HSF2BP: variants seen among roughly 807,000 people sequenced by gnomAD.
HSF2BP encodes heat shock transcription factor 2 binding protein.
A neutral mutation model predicts 35.0 loss-of-function variants in HSF2BP; 35 were observed. The ratio of observed to expected loss-of-function variants is 1.00; its 90% CI spans 0.76 to 1.32. The LOEUF (loss-of-function observed/expected upper bound fraction) is 1.32, where lower values mean the gene tolerates loss of function less well. HSF2BP is among the 40% of genes most tolerant of loss of function. The probability of loss-of-function intolerance (pLI) is 0.00; values close to 1 mark genes in which losing one functional copy is unlikely to be tolerated. For missense variants in HSF2BP, 326 were observed against 321.7 expected (o/e 1.01, Z -0.10); for synonymous variants, 114 against 117.4 (o/e 0.97, Z 0.18).
intron 2 of HSF2BP, chr21:43,657,732 G>A (rs1044856710): frequency 1.6e-6 from 1 of 640,612 alleles, no homozygotes; most frequent in African/African-American, 2.0e-5. Flanking sequence ...AGGGGGCCAG[G>A]GCCTTCGGAG....
chr21:43,611,693 G>A (rs1346548902), intron 7 of HSF2BP, among the ~76,000 whole-genome samples: 1 of 152,194 alleles, frequency 6.6e-6, no homozygotes, highest in Non-Finnish European at 1.5e-5. Context: ...ACATCCCCCA[G>A]GTAACTCAAA....
intron 3 of HSF2BP, among the ~76,000 whole-genome samples, chr21:43,653,215 GGGGAA>G (rs1209166970): frequency 7.4e-5 from 10 of 136,010 alleles, no homozygotes; most frequent in African/African-American, 2.2e-4. Context: ...GGGAAGGGAA[GGGGAA>G]GGGAAGGGAA....
chr21:43,590,664 T>C (rs377593259), intron 8 of HSF2BP, among the ~76,000 whole-genome samples: 3 of 152,220 alleles, frequency 2.0e-5, no homozygotes, highest in East Asian at 3.8e-4. Context: ...GACCTATTAA[T>C]AGACACATGG....
At chr21:43,658,761 G>A (rs1029083096) in intron 1 of HSF2BP, among the ~76,000 whole-genome samples, 1 of 152,230 alleles carries the variant, frequency 6.6e-6, no homozygotes, top group Non-Finnish European at 1.5e-5. Context: ...GCCTCGGGAC[G>A]CCTGCGCGGG....
chr21:43,505,443 C>A, the HSF2BP span, among the ~76,000 whole-genome samples: 1 of 100,086 alleles, frequency 1.0e-5, no homozygotes. Context: ...TGTGGGGTTT[C>A]CGCGTGCAGC....
At chr21:43,614,232 G>A (rs2082244039) in intron 6 of HSF2BP, among the ~76,000 whole-genome samples, 1 of 151,884 alleles carries the variant, frequency 6.6e-6, no homozygotes, top group South Asian at 2.1e-4. Flanking sequence ...GGCACGGTGT[G>A]TGCACCTGTA....
At chr21:43,646,687 A>G (rs1251482060) in intron 3 of HSF2BP, among the ~76,000 whole-genome samples, 1 of 152,214 alleles carries the variant, frequency 6.6e-6, no homozygotes, top group Non-Finnish European at 1.5e-5. Flanking sequence ...ACCCTAGTGT[A>G]AGTTAACATA....
intron 8 of HSF2BP, among the ~76,000 whole-genome samples, chr21:43,586,058 G>A (rs535600813): frequency 3.3e-5 from 5 of 152,260 alleles, no homozygotes; most frequent in Admixed American, 1.3e-4. Flanking sequence ...GGAAATAACC[G>A]CCTATCTGCC....
At chr21:43,625,799 A>G (rs1318779570) in intron 6 of HSF2BP, among the ~76,000 whole-genome samples, 1 of 152,166 alleles carries the variant, frequency 6.6e-6, no homozygotes, top group Non-Finnish European at 1.5e-5. Flanking sequence ...ACTCTTCATA[A>G]GAGTTCCTAT....
chr21:43,618,565 T>C (rs1430690804), intron 6 of HSF2BP, among the ~76,000 whole-genome samples: 1 of 152,078 alleles, frequency 6.6e-6, no homozygotes, highest in Non-Finnish European at 1.5e-5. Flanking sequence ...GATATCCACA[T>C]GCAAAGGAAG....
At chr21:43,647,467 G>C (rs994523619) in intron 3 of HSF2BP, among the ~76,000 whole-genome samples, 12 of 152,106 alleles carry the variant, frequency 7.9e-5, no homozygotes, top group Admixed American at 7.9e-4. Flanking sequence ...CTGACCTCAA[G>C]TGATCTGCCC....
chr21:43,648,751 TG>T (rs1249083950), intron 3 of HSF2BP, among the ~76,000 whole-genome samples: 1 of 152,256 alleles, frequency 6.6e-6, no homozygotes, highest in Non-Finnish European at 1.5e-5. Flanking sequence ...AGAACTGAAA[TG>T]GGGGTACCCC....
intron 6 of HSF2BP, among the ~76,000 whole-genome samples, chr21:43,623,732 CTGT>C (rs1483759567): frequency 1.3e-5 from 2 of 152,134 alleles, no homozygotes; most frequent in Non-Finnish European, 2.9e-5. Context: ...TGTTTGCTAC[CTGT>C]TGCATTAAAA....
intron 4 of HSF2BP, among the ~76,000 whole-genome samples, chr21:43,642,827 T>C (rs1033249656): frequency 7.5e-6 from 1 of 133,584 alleles, no homozygotes; most frequent in Non-Finnish European, 1.5e-5. Context: ...TGAGACAGAG[T>C]CTCGCTCTGT....
rs532130526 is a variant in HSF2BP at position 43,650,835 on chromosome 21, G to A, written c.187+5752C>T. Reference sequence around the variant, plus strand: ...CGATTCTCCTGTCTCAGCCTCCTGAGTAGCCAGGATTACAGGTACATGCCA... The same window carrying A: ...CGATTCTCCTGTCTCAGCCTCCTGAATAGCCAGGATTACAGGTACATGCCA... On this transcript the variant is annotated intron_variant, in intron 3 of 8. Transcript: ENST00000291560. Among the ~76,000 whole-genome samples the A allele has an allele frequency of 2.0e-5, 3 of 151,702 alleles. No individual in the cohort carries two copies. The South Asian group carries it at 6.3e-4, about 32-fold the overall frequency.
rs79472677 is a variant in HSF2BP, at chr21:43,578,039, T to C, written c.796+14186A>G. ...ATCCCACCACCCTTTGCTGACTCCT[T>C]TTTTGGACTCGGCCTGCCTGCACCT... is the stretch of plus-strand genomic sequence containing the variant. On this transcript the variant is annotated intron_variant, in intron 8 of 8. Coordinates refer to ENST00000291560, the MANE Select transcript of HSF2BP (RefSeq NM_007031.2). Among the ~76,000 whole-genome samples the C allele has an allele frequency of 8.7e-3, 1,328 of 152,288 alleles. 13 individuals are homozygous for C. The highest frequency in any genetic ancestry group is 0.02 in the Middle Eastern group (6 of 294).
chr21:43,613,881 A>G lies in HSF2BP; in HGVS notation c.641T>C (p.Ile214Thr), dbSNP rs2082238838. ...CTTCAAGTCTCCCAGAAGCTGCAAT[A>G]TGGTGTCCAAGAGCACCCGGCTTGA... ...VNSSRVLLDTILQLLGDLKPG... is the reference protein window; with the variant it reads ...VNSSRVLLDTTLQLLGDLKPG... The change falls in exon 7 of 9, where the codon ATA (isoleucine) becomes ACA (threonine). Residue 214 changes from isoleucine (I) to threonine (T), a missense_variant. By Grantham distance (89) the Ile-to-Thr change is moderately conservative (BLOSUM62 -1). Transcript: ENST00000291560. The G allele has an allele frequency of 6.2e-7, 1 of 1,613,890 alleles. No individual in the cohort carries two copies.
intron 7 of HSF2BP, among the ~76,000 whole-genome samples, chr21:43,593,228 A>T (rs1364428676): frequency 2.0e-5 from 3 of 152,204 alleles, no homozygotes; most frequent in African/African-American, 4.8e-5. Flanking sequence ...CAGGCCCTGC[A>T]GAAACCAGAA....
intron 3 of HSF2BP, among the ~76,000 whole-genome samples, chr21:43,654,939 G>A (rs1395965905): frequency 6.6e-6 from 1 of 152,226 alleles, no homozygotes; most frequent in Non-Finnish European, 1.5e-5. Flanking sequence ...AATTGCCAGA[G>A]AGACTATGGG....
Sources: allele counts gnomAD v4.1 joint callset (sites outside exome capture counted in the v4.1 genomes callset), GRCh38; gene constraint gnomAD v4.1.1; transcripts MANE v1.5; gene names NCBI Gene and HGNC (gene_info 2026-07-23, HGNC 2026-07-21).